POLR3B: variants seen among roughly 807,000 people sequenced by gnomAD.
POLR3B encodes the protein DNA-directed RNA polymerase III subunit RPC2.
Under a neutral mutation model 147.4 loss-of-function variants are expected in POLR3B, and 96 were observed. That is an observed-to-expected ratio of 0.65 (90% CI 0.55 to 0.77). The LOEUF (loss-of-function observed/expected upper bound fraction) is 0.77, where lower values mean the gene tolerates loss of function less well. Ranked by LOEUF, POLR3B falls within the 30% of genes least tolerant of loss-of-function variation. POLR3B has a pLI of 0.00. For missense variants in POLR3B, 1,036 were observed against 1,413.5 expected (o/e 0.73, Z 4.28); for synonymous variants, 461 against 485.9 (o/e 0.95, Z 0.67).
intron 9 of POLR3B, among the ~76,000 whole-genome samples, chr12:106,388,054 T>G (rs571331737): frequency 6.6e-6 from 1 of 152,314 alleles, no homozygotes; most frequent in East Asian, 1.9e-4. Flanking sequence ...TGGCTGAAAG[T>G]GACAGGAACA....
chr12:106,491,986 C>A (rs563265027), intron 23 of POLR3B, among the ~76,000 whole-genome samples: 6 of 152,224 alleles, frequency 3.9e-5, no homozygotes, highest in African/African-American at 1.4e-4. Flanking sequence ...AACTGGCCAT[C>A]AGCAAAATTG....
At chr12:106,418,335 T>C (rs1029031475) in intron 12 of POLR3B, among the ~76,000 whole-genome samples, 3 of 152,238 alleles carry the variant, frequency 2.0e-5, no homozygotes, top group Non-Finnish European at 4.4e-5. Context: ...TCCGGCACCC[T>C]GGAAAGCCAG....
chr12:106,371,284 AAAC>A (rs1211790053), intron 6 of POLR3B, among the ~76,000 whole-genome samples: 2 of 152,210 alleles, frequency 1.3e-5, no homozygotes, highest in African/African-American at 4.8e-5. Context: ...AAAAGTCAGG[AAAC>A]AACAGGTGCT....
In POLR3B at chr12:106,509,748, G is replaced by T; in HGVS notation, c.*199G>T. The T allele has an allele frequency of 2.0e-6, 1 of 512,754 alleles. No individual in the cohort carries two copies. The highest frequency in any genetic ancestry group is 2.0e-5 in the South Asian group (1 of 50,742). 31.8% of individuals were successfully genotyped at this position (512,754 alleles called of 1,614,324 possible). A position where few individuals can be genotyped will look rare whatever the true frequency, so the allele number is the denominator to read the frequency against. ...CCTTGATCATTGAGCCTCGAGCCAT[G>T]GGAGAGATGCTGACCATGTGGACTG... On this transcript the variant is annotated 3_prime_UTR_variant, in exon 28 of 28. Transcript: ENST00000228347.
chr12:106,387,148 T>A (rs1448704502), intron 9 of POLR3B, among the ~76,000 whole-genome samples: 1 of 152,222 alleles, frequency 6.6e-6, no homozygotes, highest in African/African-American at 2.4e-5. Flanking sequence ...ATATCTACAT[T>A]TTTGGATATA....
intron 9 of POLR3B, among the ~76,000 whole-genome samples, chr12:106,385,860 A>G (rs1165673005): frequency 6.6e-6 from 1 of 152,146 alleles, no homozygotes. Context: ...TCTTTTCAGG[A>G]TGATGATGAT....
At chr12:106,480,923 G>A (rs567843019) in intron 23 of POLR3B, among the ~76,000 whole-genome samples, 1 of 152,298 alleles carries the variant, frequency 6.6e-6, no homozygotes, top group South Asian at 2.1e-4. Flanking sequence ...GGGAGGGCGT[G>A]TGGTTAGTGA....
At chr12:106,390,273 C>G (rs1201354727) in intron 9 of POLR3B, among the ~76,000 whole-genome samples, 1 of 90,334 alleles carries the variant, frequency 1.1e-5, no homozygotes, top group South Asian at 3.8e-4. Context: ...TCTCCCCCCC[C>G]AGTTTTTTTT....
intron 9 of POLR3B, among the ~76,000 whole-genome samples, chr12:106,391,035 A>G (rs1438215777): frequency 1.3e-5 from 2 of 152,212 alleles, no homozygotes; most frequent in Non-Finnish European, 2.9e-5. Flanking sequence ...GGGCAACATA[A>G]GCAAGACCGC....
chr12:106,455,300 A>G (rs188489114), intron 20 of POLR3B, among the ~76,000 whole-genome samples: 36 of 152,214 alleles, frequency 2.4e-4, no homozygotes, highest in Admixed American at 2.3e-3. Flanking sequence ...TGACTTCTCT[A>G]TTCATAATCT....
intron 6 of POLR3B, among the ~76,000 whole-genome samples, chr12:106,374,926 T>G (rs967035153): frequency 2.0e-5 from 3 of 152,240 alleles, no homozygotes; most frequent in African/African-American, 7.2e-5. Flanking sequence ...TCACCATACA[T>G]TTTTACACGT....
chr12:106,387,202 A>C (rs1006771268), intron 9 of POLR3B, among the ~76,000 whole-genome samples: 1 of 152,164 alleles, frequency 6.6e-6, no homozygotes, highest in African/African-American at 2.4e-5. Flanking sequence ...ATACACATAC[A>C]TTTTTATTTT....
chr12:106,441,777 T>C (rs1456937799), intron 18 of POLR3B, among the ~76,000 whole-genome samples: 1 of 152,212 alleles, frequency 6.6e-6, no homozygotes, highest in Non-Finnish European at 1.5e-5. Context: ...AAGTGCTTTA[T>C]ACACAGTGAA....
At chr12:106,465,018 C>T (rs894228596) in intron 23 of POLR3B, among the ~76,000 whole-genome samples, 2 of 152,126 alleles carry the variant, frequency 1.3e-5, no homozygotes, top group Non-Finnish European at 2.9e-5. Context: ...TTATATAGTT[C>T]CCTGAGATAC....
In POLR3B at chr12:106,430,481, A is replaced by G. The variant is rs2037493655; in HGVS notation, c.1464+8A>G. Reference sequence around the variant, plus strand: ...GACACTCCTGAAGGAGAGGTAAGGAATCTGAGGAGTCTTGATGCTGTGTAA... The same window carrying G: ...GACACTCCTGAAGGAGAGGTAAGGAGTCTGAGGAGTCTTGATGCTGTGTAA... On this transcript the variant is annotated splice_region_variant and intron_variant, in intron 14 of 27. Transcript: ENST00000228347. The G allele has an allele frequency of 6.2e-7, 1 of 1,607,906 alleles. No individual in the cohort carries two copies.
intron 12 of POLR3B, among the ~76,000 whole-genome samples, chr12:106,421,603 T>A (rs1174643580): frequency 6.6e-6 from 1 of 152,088 alleles, no homozygotes; most frequent in Non-Finnish European, 1.5e-5. Context: ...TGTTACTGAT[T>A]TCAAGGAGAT....
At chr12:106,445,787 C>T (rs2037714514) in intron 19 of POLR3B, among the ~76,000 whole-genome samples, 1 of 152,136 alleles carries the variant, frequency 6.6e-6, no homozygotes. Context: ...CATTGCATTG[C>T]ATTTGGGTAA....
At chr12:106,401,160 G>A (rs1284389352) in intron 10 of POLR3B, among the ~76,000 whole-genome samples, 1 of 152,166 alleles carries the variant, frequency 6.6e-6, no homozygotes, top group East Asian at 1.9e-4. Flanking sequence ...CGATCCCACA[G>A]AAATACAAAC....
chr12:106,409,979 A>G (rs372905910), intron 11 of POLR3B, among the ~76,000 whole-genome samples: 1 of 152,188 alleles, frequency 6.6e-6, no homozygotes, highest in Admixed American at 6.5e-5. Flanking sequence ...ATTCATTCAT[A>G]TGGGTTTCAG....
Sources: allele counts gnomAD v4.1 joint callset (sites outside exome capture counted in the v4.1 genomes callset), GRCh38; gene constraint gnomAD v4.1.1; transcripts MANE v1.5; gene names NCBI Gene and HGNC (gene_info 2026-07-23, HGNC 2026-07-21).